The following R3HCC1L variants were observed in gnomAD, a reference collection of about 807,000 sequenced individuals.
R3HCC1L encodes the protein R3H domain and coiled-coil containing 1 like.
A neutral mutation model predicts 59.9 loss-of-function variants in R3HCC1L; 51 were observed. The ratio of observed to expected loss-of-function variants is 0.85; its 90% CI spans 0.68 to 1.07. The LOEUF is 1.07. Among genes scored for constraint, R3HCC1L ranks in the 50% least tolerant of loss-of-function variants. The probability of loss-of-function intolerance (pLI) is 0.00; values close to 1 mark genes in which losing one functional copy is unlikely to be tolerated. For synonymous variants in R3HCC1L, 322 were observed against 315.2 expected (o/e 1.02, Z -0.23); for missense variants, 965 against 933.0 (o/e 1.03, Z -0.45).
At chr10:98,172,851 A>G (rs1347943025) in intron 4 of R3HCC1L, among the ~76,000 whole-genome samples, 1 of 152,296 alleles carries the variant, frequency 6.6e-6, no homozygotes, top group East Asian at 1.9e-4. Flanking sequence ...TAAACTTGGG[A>G]TGACAAGTAG....
intron 1 of R3HCC1L, among the ~76,000 whole-genome samples, chr10:98,142,245 C>T (rs1845215241): frequency 6.6e-6 from 1 of 152,188 alleles, no homozygotes; most frequent in Non-Finnish European, 1.5e-5. Flanking sequence ...AAACGATATG[C>T]ATGTTCACTG....
chr10:98,219,837 A>C (rs547049271), intron 5 of R3HCC1L, among the ~76,000 whole-genome samples: 4 of 152,192 alleles, frequency 2.6e-5, no homozygotes, highest in Admixed American at 1.3e-4. Flanking sequence ...ACTTTTGACA[A>C]CTTGACTAGT....
intron 1 of R3HCC1L, among the ~76,000 whole-genome samples, chr10:98,138,524 T>C (rs7905388): frequency 0.68 from 102,266 of 151,470 alleles, 34,651 homozygotes; most frequent in African/African-American, 0.75. Context: ...GACTTCATCT[T>C]TATTAAAAAA....
chr10:98,167,638 A>G (rs564941528), intron 4 of R3HCC1L, among the ~76,000 whole-genome samples: 19 of 152,352 alleles, frequency 1.2e-4, no homozygotes, highest in African/African-American at 4.3e-4. Flanking sequence ...ACCCCAACAT[A>G]ATTTTTAGAA....
intron 4 of R3HCC1L, among the ~76,000 whole-genome samples, chr10:98,166,234 A>G (rs1847929325): frequency 6.6e-6 from 1 of 152,204 alleles, no homozygotes; most frequent in Non-Finnish European, 1.5e-5. Context: ...CTGCTGTATG[A>G]GAATACAATG....
chr10:98,152,023 C>T (rs1846216500), intron 1 of R3HCC1L, among the ~76,000 whole-genome samples: 1 of 152,216 alleles, frequency 6.6e-6, no homozygotes, highest in Non-Finnish European at 1.5e-5. Context: ...GACTGTACTG[C>T]TGCCATCTCG....
chr10:98,174,245 C>T (rs1222987827), intron 4 of R3HCC1L, among the ~76,000 whole-genome samples: 1 of 152,110 alleles, frequency 6.6e-6, no homozygotes, highest in Non-Finnish European at 1.5e-5. Context: ...ATGTGTCGGG[C>T]ATTGTATTCA....
rs139049125 is a variant in R3HCC1L at position 98,182,988 on chromosome 10, C to T, written c.-15+19591C>T. 3.1e-3 allele frequency among the ~76,000 whole-genome samples: 467 copies of T among 152,310 alleles called. 2 individuals are homozygous for T. Among genetic ancestry groups the T allele is most frequent in the Middle Eastern group, 0.01 (3 of 294 alleles). Reference sequence around the variant, plus strand: ...GAAAGGGAAATCCCCTGACCGCTTGCGCTTCCTGGGTAAGGTGATGCCCCA... The same window carrying T: ...GAAAGGGAAATCCCCTGACCGCTTGTGCTTCCTGGGTAAGGTGATGCCCCA... On this transcript the variant is annotated intron_variant, in intron 4 of 9. Coordinates refer to ENST00000298999, the MANE Select transcript of R3HCC1L (RefSeq NM_001351015.2).
At position 98,201,881 on chromosome 10, in the gene R3HCC1L, ATTT is replaced by A. The variant is rs145665708; in HGVS notation, c.-14-6202_-14-6200del. ...TTGACCAATGACTATGAAAGATGAG[ATTT>A]TTTTTTTTTTTTTTTTTAAAGAGAC... On this transcript the variant is annotated intron_variant, in intron 4 of 9. Coordinates refer to ENST00000298999, the MANE Select transcript of R3HCC1L (RefSeq NM_001351015.2). 6.6e-3 allele frequency among the ~76,000 whole-genome samples: 945 copies of A among 143,330 alleles called. 5 individuals are homozygous for A. Among genetic ancestry groups the A allele is most frequent in the Middle Eastern group, 0.011 (3 of 282 alleles). 94.0% of individuals were successfully genotyped at this position (143,330 alleles called of 152,430 possible).
intron 1 of R3HCC1L, among the ~76,000 whole-genome samples, chr10:98,144,946 T>C (rs1845514093): frequency 1.3e-5 from 2 of 152,224 alleles, no homozygotes; most frequent in Admixed American, 1.3e-4. Context: ...GAGTACAGTA[T>C]GTGAACTGAG....
At chr10:98,152,041 G>A (rs1193502615) in intron 1 of R3HCC1L, among the ~76,000 whole-genome samples, 1 of 151,574 alleles carries the variant, frequency 6.6e-6, no homozygotes, top group African/African-American at 2.4e-5. Flanking sequence ...TCGGCTCACT[G>A]CAACCTCCCT....
chr10:98,159,097 T>C (rs1847157451), intron 2 of R3HCC1L, among the ~76,000 whole-genome samples: 1 of 152,204 alleles, frequency 6.6e-6, no homozygotes, highest in South Asian at 2.1e-4. Flanking sequence ...TGTGAGCCAC[T>C]GCATCCAGCC....
intron 9 of R3HCC1L, among the ~76,000 whole-genome samples, chr10:98,243,613 A>C (rs1857775067): frequency 6.6e-6 from 1 of 152,200 alleles, no homozygotes; most frequent in Non-Finnish European, 1.5e-5. Context: ...ATATTTTTTC[A>C]ATAAAGTTTT....
chr10:98,158,810 CTTT>C (rs1297836513), intron 2 of R3HCC1L, among the ~76,000 whole-genome samples: 1 of 143,092 alleles, frequency 7.0e-6, no homozygotes, highest in Non-Finnish European at 1.5e-5. Context: ...ATGACATTGA[CTTT>C]TTTTTTTTTT....
intron 4 of R3HCC1L, among the ~76,000 whole-genome samples, chr10:98,192,471 A>G (rs554241265): frequency 1.2e-4 from 19 of 152,294 alleles, no homozygotes; most frequent in African/African-American, 4.3e-4. Flanking sequence ...AGACATTGCA[A>G]CTGATGCCAC....
chr10:98,243,930 A>G (rs1857813856), intron 9 of R3HCC1L, among the ~76,000 whole-genome samples, 161 bp from the exon 10 acceptor site: 1 of 152,234 alleles, frequency 6.6e-6, no homozygotes, highest in Admixed American at 6.5e-5. Context: ...TTCACTTACA[A>G]AGCACTTAGG....
intron 4 of R3HCC1L, among the ~76,000 whole-genome samples, chr10:98,203,029 A>G (rs1015609395): frequency 6.6e-6 from 1 of 152,176 alleles, no homozygotes; most frequent in Non-Finnish European, 1.5e-5. Flanking sequence ...GAAATATTCT[A>G]TAAAGGACAT....
chr10:98,217,965 A>G (rs1302424743), intron 5 of R3HCC1L, among the ~76,000 whole-genome samples: 1 of 152,192 alleles, frequency 6.6e-6, no homozygotes. Flanking sequence ...TCAAAGAGAT[A>G]CAGTTTGACT....
At position 98,173,777 on chromosome 10, in the gene R3HCC1L, A is replaced by G. The variant is rs145103895; in HGVS notation, c.-15+10380A>G. Among the ~76,000 whole-genome samples, 398 of 152,016 alleles carry G rather than the reference A, an allele frequency of 2.6e-3. 3 individuals are homozygous for G. The highest frequency in any genetic ancestry group is 0.014 in the Middle Eastern group (4 of 292). ...AAATAGTGCCCCCTCCCCATAAGCT[A>G]TCTATCTCCATAATTGCTTGTGGAT... On this transcript the variant is annotated intron_variant, in intron 4 of 9. Coordinates refer to ENST00000298999, the MANE Select transcript of R3HCC1L (RefSeq NM_001351015.2).
Sources: gnomAD v4.1 joint callset for allele counts (sites outside exome capture counted in the v4.1 genomes callset) on GRCh38, gnomAD v4.1.1 for gene constraint, MANE v1.5 for transcripts, NCBI Gene and HGNC (gene_info 2026-07-23, HGNC 2026-07-21) for gene names.